The following ACACA variants were observed in gnomAD, a reference collection of about 807,000 sequenced individuals.
ACACA encodes the protein acetyl-CoA carboxylase alpha.
A neutral mutation model predicts 296.1 loss-of-function variants in ACACA; 103 were observed. The observed-to-expected ratio is 0.35, with a 90% CI of 0.30 to 0.41. ACACA has a LOEUF of 0.41. Among genes scored for constraint, ACACA ranks in the 10% least tolerant of loss-of-function variants. The probability of loss-of-function intolerance (pLI) is 1.00; values close to 1 mark genes in which losing one functional copy is unlikely to be tolerated. For synonymous variants in ACACA, 953 were observed against 1,038.6 expected, an observed-to-expected ratio of 0.92 and a Z score of 1.58; for missense variants, 1,554 against 2,989.7, an observed-to-expected ratio of 0.52 and a Z score of 11.20.
At chr17:37,232,752 C>G (rs2680399) in intron 25 of ACACA, among the ~76,000 whole-genome samples, 3 of 151,722 alleles carry the variant, frequency 2.0e-5, no homozygotes, top group African/African-American at 7.3e-5. Context: ...GATCCTCTTA[C>G]GTTTACTGGG....
intron 3 of ACACA, among the ~76,000 whole-genome samples, chr17:37,296,928 G>A (rs2083366077): frequency 6.7e-6 from 1 of 149,098 alleles, no homozygotes. Context: ...TGTTGCCCAG[G>A]CTGGTCTCGA....
intron 10 of ACACA, among the ~76,000 whole-genome samples, chr17:37,267,099 T>A (rs1046036759): frequency 3.3e-5 from 5 of 152,234 alleles, no homozygotes; most frequent in African/African-American, 1.2e-4. Context: ...GTGTCAATTA[T>A]CCATTGATAC....
chr17:37,261,178 C>G (rs111627153), intron 11 of ACACA, among the ~76,000 whole-genome samples: 3,901 of 152,076 alleles, frequency 0.026, 124 homozygotes, highest in African/African-American at 0.074. Flanking sequence ...GTCAGAGTGT[C>G]GAAAAAGCCA....
intron 41 of ACACA, among the ~76,000 whole-genome samples, chr17:37,165,405 T>G (rs1283867762): frequency 2.6e-5 from 4 of 152,080 alleles, no homozygotes; most frequent in Non-Finnish European, 5.9e-5. Flanking sequence ...CTTAAGAAAA[T>G]TATTTAATTT....
At chr17:37,368,839 A>G (rs964777375) in intron 1 of ACACA, 1 of 152,190 alleles carries the variant, frequency 6.6e-6, no homozygotes, top group African/African-American at 2.4e-5. Flanking sequence ...AGCATGTGTA[A>G]TAGTAGGAAC....
chr17:37,359,793 G>A (rs1198009966), intron 1 of ACACA, among the ~76,000 whole-genome samples: 1 of 152,092 alleles, frequency 6.6e-6, no homozygotes, highest in Non-Finnish European at 1.5e-5. Context: ...GTAACCCCAT[G>A]CTGGAACTCC....
intron 1 of ACACA, chr17:37,392,160 C>T (rs1441787970): frequency 5.9e-6 from 1 of 169,364 alleles, no homozygotes; most frequent in African/African-American, 2.4e-5. Flanking sequence ...TCCTGATCTC[C>T]CTGGTTGACG....
In ACACA at chr17:37,263,831, G is replaced by A. The variant is rs759822153; in HGVS notation, c.1183C>T (p.Leu395=). 7 of 1,613,846 alleles carry A rather than the reference G, an allele frequency of 4.3e-6. No individual in the cohort carries two copies. The highest frequency in any genetic ancestry group is 5.1e-6 in the Non-Finnish European group (6 of 1,180,014). The change falls in exon 11 of 56, where the codon CTG becomes TTG. Residue 395 remains leucine, a synonymous_variant. Transcript: ENST00000616317. The part of the protein sequence containing the change: ...VMRLAKQSRH[L]EVQILADQYG... ...TGGTCCGCTAAGATCTGCACCTCCA[G>A]ATGACGAGATTGTTTGGCTAGTCTC... is the stretch of plus-strand genomic sequence containing the variant.
At chr17:37,301,993 T>C (rs540408691) in intron 3 of ACACA, among the ~76,000 whole-genome samples, 16 of 152,016 alleles carry the variant, frequency 1.1e-4, no homozygotes, top group Non-Finnish European at 2.1e-4. Flanking sequence ...TTTTTTTTTC[T>C]TTTTTGAGAT....
At chr17:37,116,003 A>G (rs2074231332) in intron 50 of ACACA, among the ~76,000 whole-genome samples, 2 of 148,950 alleles carry the variant, frequency 1.3e-5, no homozygotes, top group Non-Finnish European at 3.0e-5. Context: ...TGAGGTGGGG[A>G]GCGGGGCGCG....
rs866646267 is a variant in ACACA at position 37,338,091 on chromosome 17, C to T, written c.85+1713G>A. On this transcript the variant is annotated intron_variant, in intron 2 of 55. Coordinates refer to ENST00000616317, the MANE Select transcript of ACACA (RefSeq NM_198834.3). ...CAGCCTGGGCAACAGAGTGAGACTCCGTCTCAAAAATAAAATAAAATAAAA... is the reference window on the plus strand; with the variant it reads ...CAGCCTGGGCAACAGAGTGAGACTCTGTCTCAAAAATAAAATAAAATAAAA... Among the ~76,000 whole-genome samples, 15 of 148,010 alleles carry T rather than the reference C, an allele frequency of 1.0e-4. No homozygotes were observed. The South Asian group carries it at 1.7e-3, about 17-fold the overall frequency.
chr17:37,179,190 A>G (rs1370664036), intron 41 of ACACA, 70 bp downstream of exon 41: 1 of 1,592,114 alleles, frequency 6.3e-7, no homozygotes, highest in Admixed American at 1.7e-5. Flanking sequence ...CTATTTAATG[A>G]CCACCTCACA....
At chr17:37,192,714 A>C (rs2145118591) in intron 36 of ACACA, among the ~76,000 whole-genome samples, 1 of 152,298 alleles carries the variant, frequency 6.6e-6, no homozygotes, top group East Asian at 1.9e-4. Flanking sequence ...ACTAATCTAA[A>C]AATTTTCTCA....
intron 48 of ACACA, among the ~76,000 whole-genome samples, chr17:37,124,557 G>C (rs1352350692): frequency 6.6e-6 from 1 of 152,186 alleles, no homozygotes; most frequent in Non-Finnish European, 1.5e-5. Context: ...CAGGAGTCGA[G>C]TATCAGGGTT....
rs114954480 is a variant in ACACA, at chr17:37,259,568, C to T, written c.1330-38G>A. Reference sequence around the variant, plus strand: ...AGATAAGCAAACATAAGTATCTCACCTTATCCAACTGCTAGACCACTACAG... The same window carrying T: ...AGATAAGCAAACATAAGTATCTCACTTTATCCAACTGCTAGACCACTACAG... On this transcript the variant is annotated intron_variant, in intron 11 of 55. Transcript: ENST00000616317. 2.4e-4 allele frequency: 385 copies of T among 1,610,678 alleles called. 1 individual carries two copies. In the African/African-American group the frequency reaches 4.4e-3, roughly 18 times the overall value.
At chr17:37,338,200 C>A (rs573829073) in intron 2 of ACACA, among the ~76,000 whole-genome samples, 146 of 150,394 alleles carry the variant, frequency 9.7e-4, no homozygotes, top group African/African-American at 3.4e-3. Flanking sequence ...TGCACTCCAG[C>A]CTGGTGACAG....
At chr17:37,324,847 A>C (rs992080398) in intron 3 of ACACA, among the ~76,000 whole-genome samples, 5 of 150,476 alleles carry the variant, frequency 3.3e-5, no homozygotes, top group African/African-American at 1.2e-4. Context: ...AAAAAAAAAA[A>C]AAAATTAAAT....
At chr17:37,132,567 A>G (rs564710947) in intron 45 of ACACA, among the ~76,000 whole-genome samples, 1 of 152,330 alleles carries the variant, frequency 6.6e-6, no homozygotes, top group South Asian at 2.1e-4. Context: ...GGAATACAAA[A>G]GGAGACACTG....
In ACACA at chr17:37,345,068, G is replaced by A. The variant is rs375362693; in HGVS notation, c.39-5218C>T. On this transcript the variant is annotated intron_variant, in intron 1 of 55. Coordinates refer to ENST00000616317, the MANE Select transcript of ACACA (RefSeq NM_198834.3). ...CTCTTTCCCTAATCGTCACCTTCCC[G>A]GAGAGAGATTAGAGGATCCTTCTTG... Among the ~76,000 whole-genome samples, 297 of 152,186 alleles carry A rather than the reference G, an allele frequency of 2.0e-3. 1 individual carries two copies. The highest frequency in any genetic ancestry group is 6.7e-3 in the African/African-American group (277 of 41,536).
Sources: allele counts gnomAD v4.1 joint callset (sites outside exome capture counted in the v4.1 genomes callset), GRCh38; gene constraint gnomAD v4.1.1; transcripts MANE v1.5; gene names NCBI Gene and HGNC (gene_info 2026-07-23, HGNC 2026-07-21).